Variants in EFNA5 observed in about 807,000 individuals in gnomAD.
EFNA5 encodes the protein ephrin-A5.
In EFNA5, 5 loss-of-function variants were observed where a neutral mutation model predicts 22.9. The observed-to-expected ratio is 0.22, with a 90% CI of 0.11 to 0.46. The LOEUF (loss-of-function observed/expected upper bound fraction) is 0.46, where lower values mean the gene tolerates loss of function less well. Ranked by LOEUF, EFNA5 falls within the 20% of genes least tolerant of loss-of-function variation. EFNA5 has a pLI of 0.99. For synonymous variants in EFNA5, 113 were observed against 112.2 expected (o/e 1.01, Z -0.04); for missense variants, 237 against 293.3 (o/e 0.81, Z 1.40).
chr5:107,657,987 T>C (rs928911905), intron 1 of EFNA5, among the ~76,000 whole-genome samples: 4 of 152,272 alleles, frequency 2.6e-5, no homozygotes, highest in Non-Finnish European at 5.9e-5. Context: ...AGAAGCATAT[T>C]TGCAGATCTT....
At chr5:107,382,131 T>C (rs1747483678) in intron 4 of EFNA5, among the ~76,000 whole-genome samples, 1 of 152,212 alleles carries the variant, frequency 6.6e-6, no homozygotes, top group Non-Finnish European at 1.5e-5. Context: ...ATAAAATAGA[T>C]TAAGTGAGTT....
chr5:107,625,093 G>A (rs1050232534), intron 1 of EFNA5, among the ~76,000 whole-genome samples: 3 of 151,990 alleles, frequency 2.0e-5, no homozygotes, highest in South Asian at 4.1e-4. Flanking sequence ...TGAAAGTAGC[G>A]GAAACTCACC....
intron 1 of EFNA5, among the ~76,000 whole-genome samples, chr5:107,441,327 C>T (rs754130534): frequency 2.0e-5 from 3 of 152,110 alleles, no homozygotes; most frequent in African/African-American, 4.8e-5. Context: ...ATCTACCAGG[C>T]TAATATAAAG....
intron 1 of EFNA5, among the ~76,000 whole-genome samples, chr5:107,570,424 C>A (rs1393232982): frequency 1.3e-5 from 2 of 152,228 alleles, no homozygotes; most frequent in Non-Finnish European, 2.9e-5. Context: ...CCTTGGCACC[C>A]ACCTTGGTCT....
At chr5:107,623,027 CAAAAAAAAAAAAA>C (rs61689503) in intron 1 of EFNA5, among the ~76,000 whole-genome samples, 40 of 29,904 alleles carry the variant, frequency 1.3e-3, no homozygotes, top group African/African-American at 1.9e-3. Context: ...GACTCCGTCT[CAAAAAAAAAAAAA>C]AAAAAAAAAA....
chr5:107,651,519 G>A (rs967342823), intron 1 of EFNA5, among the ~76,000 whole-genome samples: 2 of 152,040 alleles, frequency 1.3e-5, no homozygotes, highest in African/African-American at 4.8e-5. Context: ...GGGGGTCCTC[G>A]CAGGCCTCTC....
chr5:107,401,187 G>A (rs543858382), intron 2 of EFNA5, among the ~76,000 whole-genome samples: 148 of 152,248 alleles, frequency 9.7e-4, no homozygotes, highest in African/African-American at 3.4e-3. Context: ...TAGTAATACC[G>A]ATGTGCTACT....
At chr5:107,643,471 C>T (rs1750567520) in intron 1 of EFNA5, among the ~76,000 whole-genome samples, 1 of 152,170 alleles carries the variant, frequency 6.6e-6, no homozygotes, top group African/African-American at 2.4e-5. Flanking sequence ...GATCTGCCAT[C>T]TGCAGCACAT....
intron 1 of EFNA5, among the ~76,000 whole-genome samples, chr5:107,506,515 G>A (rs529263962): frequency 1.1e-4 from 17 of 152,286 alleles, no homozygotes; most frequent in African/African-American, 3.8e-4. Flanking sequence ...TTAAAGGATA[G>A]GAATGAATCA....
chr5:107,642,304 T>C lies in EFNA5; in HGVS notation c.125+28185A>G, dbSNP rs575014168. On this transcript the variant is annotated intron_variant, in intron 1 of 4. Coordinates refer to ENST00000333274, the MANE Select transcript of EFNA5 (RefSeq NM_001962.3). Reference sequence around the variant, plus strand: ...CTATAGTTAATAATATATTGTATACTTCAAAATTGCTGAGAGCAGATTTCA... The same window carrying C: ...CTATAGTTAATAATATATTGTATACCTCAAAATTGCTGAGAGCAGATTTCA... Among the ~76,000 whole-genome samples the C allele has an allele frequency of 1.1e-4, 17 of 152,242 alleles. No individual in the cohort carries two copies. The South Asian group carries it at 3.3e-3, about 30-fold the overall frequency.
In EFNA5 at chr5:107,482,840, C is replaced by G. The variant is rs796738262; in HGVS notation, c.126-55331G>C. 4.2e-3 allele frequency among the ~76,000 whole-genome samples: 276 copies of G among 65,454 alleles called. 4 individuals are homozygous for G. The highest frequency in any genetic ancestry group is 6.2e-3 in the Non-Finnish European group (202 of 32,546). The allele number at this position is 65,454 out of a possible 152,430, so 42.9% of individuals were successfully genotyped here. On this transcript the variant is annotated intron_variant, in intron 1 of 4. Coordinates refer to ENST00000333274, the MANE Select transcript of EFNA5 (RefSeq NM_001962.3). Reference sequence around the variant, plus strand: ...TCTCTCTCTCTGTCTCTGTCTCTCTCTCTCTCTCTCTCTCTCTCTCTCTCT... The same window carrying G: ...TCTCTCTCTCTGTCTCTGTCTCTCTGTCTCTCTCTCTCTCTCTCTCTCTCT...
intron 1 of EFNA5, among the ~76,000 whole-genome samples, chr5:107,488,402 T>C (rs545190957): frequency 9.1e-4 from 138 of 152,244 alleles, no homozygotes; most frequent in Non-Finnish European, 9.4e-4. Context: ...AGACGGTGAG[T>C]GAAGTAAAGA....
At chr5:107,431,660 G>A (rs1032939517) in intron 1 of EFNA5, among the ~76,000 whole-genome samples, 1 of 152,150 alleles carries the variant, frequency 6.6e-6, no homozygotes, top group Non-Finnish European at 1.5e-5. Flanking sequence ...TCCATTTTGT[G>A]AGAGATTAAA....
chr5:107,556,170 G>A (rs1580528475), intron 1 of EFNA5, among the ~76,000 whole-genome samples: 1 of 152,330 alleles, frequency 6.6e-6, no homozygotes, highest in Admixed American at 6.5e-5. Flanking sequence ...CATCAAGGCT[G>A]TCCAGACCTG....
intron 1 of EFNA5, among the ~76,000 whole-genome samples, chr5:107,556,271 C>A (rs950748737): frequency 4.6e-5 from 7 of 152,038 alleles, no homozygotes; most frequent in African/African-American, 1.7e-4. Flanking sequence ...ATGTGCCAGG[C>A]ACCATGTGAG....
intron 2 of EFNA5, among the ~76,000 whole-genome samples, chr5:107,410,262 T>C (rs891748322): frequency 7.9e-5 from 12 of 152,050 alleles, no homozygotes; most frequent in African/African-American, 2.7e-4. Flanking sequence ...GATCTCCTGA[T>C]CTTGTGATCT....
chr5:107,660,022 A>C (rs1750913028), intron 1 of EFNA5, among the ~76,000 whole-genome samples: 1 of 151,570 alleles, frequency 6.6e-6, no homozygotes, highest in Admixed American at 6.6e-5. Context: ...CCACCCCCTC[A>C]ACACACACCA....
At chr5:107,482,445 C>T (rs1407325210) in intron 1 of EFNA5, among the ~76,000 whole-genome samples, 4 of 152,072 alleles carry the variant, frequency 2.6e-5, no homozygotes. Flanking sequence ...CTTGTTTAAA[C>T]TAGAGAATGA....
In EFNA5 at chr5:107,591,942, A is replaced by T. The variant is rs1277837882; in HGVS notation, c.125+78547T>A. On this transcript the variant is annotated intron_variant, in intron 1 of 4. Coordinates refer to ENST00000333274, the MANE Select transcript of EFNA5 (RefSeq NM_001962.3). ...TATATATATAATATATAATATATAT[A>T]TTATATATAATATATAATATATATA... is the stretch of plus-strand genomic sequence containing the variant. Among the ~76,000 whole-genome samples the T allele has an allele frequency of 1.4e-3, 18 of 13,056 alleles. 3 individuals are homozygous for T. Among genetic ancestry groups the T allele is most frequent in the African/African-American group, 0.01 (18 of 1,758 alleles). The allele number at this position is 13,056 out of a possible 152,430, so 8.6% of individuals were successfully genotyped here. A position where few individuals can be genotyped will look rare whatever the true frequency, so the allele number is the denominator to read the frequency against.
Sources: gnomAD v4.1 joint callset for allele counts (sites outside exome capture counted in the v4.1 genomes callset) on GRCh38, gnomAD v4.1.1 for gene constraint, MANE v1.5 for transcripts, NCBI Gene and HGNC (gene_info 2026-07-23, HGNC 2026-07-21) for gene names.